EPB41L1: variants seen among roughly 807,000 people sequenced by gnomAD.
EPB41L1 encodes band 4.1-like protein 1.
EPB41L1 carries 29 observed loss-of-function variants against 97.8 expected under a neutral mutation model. The observed-to-expected ratio is 0.30, with a 90% confidence interval of 0.22 to 0.40. The LOEUF (loss-of-function observed/expected upper bound fraction) is 0.40. Among genes scored for constraint, EPB41L1 ranks in the 10% least tolerant of loss-of-function variants. EPB41L1 has a pLI of 1.00. For missense variants in EPB41L1, 812 were observed against 1,162.3 expected (o/e 0.70, Z 4.38); for synonymous variants, 383 against 459.2 (o/e 0.83, Z 2.12).
chr20:36,102,255 A>G (rs1469200092), intron 1 of EPB41L1, among the ~76,000 whole-genome samples: 3 of 152,124 alleles, frequency 2.0e-5, no homozygotes, highest in Non-Finnish European at 4.4e-5. Flanking sequence ...AACTTCTGAA[A>G]TATGGCATGC....
At position 36,228,951 on chromosome 20, in the gene EPB41L1, C is replaced by T. The variant is rs369360896; in HGVS notation, c.2638-381C>T. ...TTGTCAGGCCAAAGTAAAAGATTAC[C>T]ACCTCCCTGGAAACAAGCGAGCAAA... is the stretch of plus-strand genomic sequence containing the variant. On this transcript the variant is annotated intron_variant, in intron 21 of 21. Transcript: ENST00000338074. Among the ~76,000 whole-genome samples, 28 of 152,050 alleles carry T rather than the reference C, an allele frequency of 1.8e-4. 2 individuals are homozygous for T. The South Asian group carries it at 5.6e-3, about 31-fold the overall frequency.
Position 36,195,356 on chromosome 20 carries a change from A to C in EPB41L1, c.1477A>C (p.Lys493Gln). The change falls in exon 13 of 22, where the codon AAG becomes CAG. Residue 493 changes from lysine to glutamine, a missense_variant. Physicochemically the swap from Lys to Gln is moderately conservative, Grantham distance 53. Transcript: ENST00000338074. The surrounding 1 kb of genome is among the most constrained non-coding windows in gnomAD (Gnocchi z 4.6). ...KPEQETTPRH[K>Q]QEFLDKPEDV... ...GGAGCAGGAAACCACGCCGAGACAC[A>C]AGCAGGAGGTACTGCATGGGACCTG... The C allele has an allele frequency of 1.2e-6, 2 of 1,613,880 alleles. No individual in the cohort carries two copies. The highest frequency in any genetic ancestry group is 1.3e-5 in the African/African-American group (1 of 74,906).
intron 14 of EPB41L1, chr20:36,201,083 C>T (rs1248988465): frequency 2.4e-6 from 1 of 408,904 alleles, no homozygotes; most frequent in Non-Finnish European, 5.0e-6. Context: ...GTACCAGATT[C>T]TGCCAAGCAG....
intron 1 of EPB41L1, among the ~76,000 whole-genome samples, chr20:36,164,218 G>A (rs1276825135): frequency 6.6e-6 from 1 of 152,208 alleles, no homozygotes; most frequent in Admixed American, 6.5e-5. Flanking sequence ...AGTCCAATGG[G>A]CCAGCCTCCT....
intron 1 of EPB41L1, among the ~76,000 whole-genome samples, chr20:36,160,979 C>T (rs536849067): frequency 6.6e-6 from 1 of 152,326 alleles, no homozygotes; most frequent in Non-Finnish European, 1.5e-5. Context: ...TGAACTCTAA[C>T]AGTATTTAGA....
At chr20:36,159,765 G>C (rs1348691874) in intron 1 of EPB41L1, among the ~76,000 whole-genome samples, 2 of 152,174 alleles carry the variant, frequency 1.3e-5, no homozygotes, top group Non-Finnish European at 2.9e-5. Context: ...TCTTCGAGGG[G>C]AATAGGACAG....
intron 1 of EPB41L1, among the ~76,000 whole-genome samples, chr20:36,155,423 G>A (rs775305104): frequency 1.2e-4 from 19 of 152,110 alleles, no homozygotes; most frequent in Non-Finnish European, 2.2e-4. Context: ...GACTTCTGCA[G>A]TTCTGGCCTG....
intron 1 of EPB41L1, among the ~76,000 whole-genome samples, chr20:36,110,360 C>G (rs1052808857): frequency 3.3e-5 from 5 of 152,158 alleles, no homozygotes; most frequent in Admixed American, 3.3e-4. Context: ...GGTGGCCAAG[C>G]TGGAGCTGAT....
rs543805202 is a variant in EPB41L1 at position 36,190,207 on chromosome 20, A to T, written c.1027-70A>T. On this transcript the variant is annotated intron_variant, in intron 9 of 21. Coordinates refer to ENST00000338074, the MANE Select transcript of EPB41L1 (RefSeq NM_012156.2). This position sits in a 1 kb window ranked among gnomAD's most constrained non-coding sequence, Gnocchi z 5.8. ...AAACATTAAACAAATAAAATAAAAAACACAAAGAATGGGCTAGTGGCGAGA... is the reference window on the plus strand; with the variant it reads ...AAACATTAAACAAATAAAATAAAAATCACAAAGAATGGGCTAGTGGCGAGA... The T allele has an allele frequency of 5.6e-4, 705 of 1,253,200 alleles. 6 individuals carry two copies. The East Asian group carries it at 0.015, about 27-fold the overall frequency. The allele number at this position is 1,253,200 out of a possible 1,614,324, so 77.6% of individuals were successfully genotyped here. A position where few individuals can be genotyped will look rare whatever the true frequency, so the allele number is the denominator to read the frequency against.
At chr20:36,130,425 T>A (rs1265479490) in intron 2 of EPB41L1, among the ~76,000 whole-genome samples, 4 of 152,196 alleles carry the variant, frequency 2.6e-5, no homozygotes, top group Non-Finnish European at 5.9e-5. Flanking sequence ...AGTACTGTCC[T>A]GCATTTTTCT....
At chr20:36,213,688 TA>T (rs1346308921) in intron 16 of EPB41L1, among the ~76,000 whole-genome samples, 1 of 151,928 alleles carries the variant, frequency 6.6e-6, no homozygotes, top group African/African-American at 2.4e-5. Flanking sequence ...CTTATTGACA[TA>T]AAAACAAAAC....
At chr20:36,175,777 G>A (rs1377801036) in intron 3 of EPB41L1, 62 bp downstream of exon 3, 2 of 1,595,278 alleles carry the variant, frequency 1.3e-6, no homozygotes, top group African/African-American at 2.7e-5. Context: ...GTCCAGGGCA[G>A]GCTCCTGTGT....
At chr20:36,164,547 A>G (rs2060659772) in intron 1 of EPB41L1, among the ~76,000 whole-genome samples, 1 of 152,182 alleles carries the variant, frequency 6.6e-6, no homozygotes, top group South Asian at 2.1e-4. Flanking sequence ...TGCATGATAC[A>G]TGTGGCTGTG....
At position 36,154,827 on chromosome 20, in the gene EPB41L1, C is replaced by A; in HGVS notation, c.-84C>A. On this transcript the variant is annotated 5_prime_UTR_variant, in exon 1 of 22. In the 5' UTR this introduces an upstream ATG that the reference lacks. Transcript: ENST00000338074. This position sits in a 1 kb window ranked among gnomAD's most constrained non-coding sequence, Gnocchi z 5.5. Reference sequence around the variant, plus strand: ...ACCCCGCGCCGCCCCGCCCCGCGGCCTGCCTGCCAGAGGAGCCGAGGGGGC... The same window carrying A: ...ACCCCGCGCCGCCCCGCCCCGCGGCATGCCTGCCAGAGGAGCCGAGGGGGC... The A allele has an allele frequency of 1.0e-6, 1 of 994,014 alleles. No individual in the cohort carries two copies. Among genetic ancestry groups the A allele is most frequent in the South Asian group, 4.3e-5 (1 of 23,192 alleles). The allele number at this position is 994,014 out of a possible 1,614,324, so 61.6% of individuals were successfully genotyped here. A position where few individuals can be genotyped will look rare whatever the true frequency, so the allele number is the denominator to read the frequency against.
At chr20:36,143,090 TCTGGAGGTGCAGTC>T (rs2059700106) in intron 2 of EPB41L1, among the ~76,000 whole-genome samples, 1 of 151,868 alleles carries the variant, frequency 6.6e-6, no homozygotes, top group African/African-American at 2.4e-5. Context: ...CCGCCAGGTG[TCTGGAGGTGCAGTC>T]CTGTGGTTGT....
intron 5 of EPB41L1, among the ~76,000 whole-genome samples, chr20:36,181,294 T>G (rs1215830959): frequency 6.6e-6 from 1 of 152,184 alleles, no homozygotes; most frequent in African/African-American, 2.4e-5. Context: ...CTTTCGCTAA[T>G]TTTGTCCAGT....
Position 36,092,733 on chromosome 20 carries a change from G to A in EPB41L1, c.-65+1121G>A, listed in dbSNP as rs1049076834. The A allele has an allele frequency of 3.9e-5, 6 of 152,156 alleles. No homozygotes were observed. The highest frequency in any genetic ancestry group is 8.8e-5 in the Non-Finnish European group (6 of 67,948). The allele number at this position is 152,156 out of a possible 1,614,324, so 9.4% of individuals were successfully genotyped here. A position where few individuals can be genotyped will look rare whatever the true frequency, so the allele number is the denominator to read the frequency against. On this transcript the variant is annotated intron_variant, in intron 1 of 19. Coordinates refer to the EPB41L1 transcript ENST00000202028. This position sits in a 1 kb window ranked among gnomAD's most constrained non-coding sequence, Gnocchi z 7.0. ...GGGCATTTCTGCGCAGCTCTAGCGC[G>A]CCTCGGAGCCCGCCGGGGCAGCCGC...
intron 7 of EPB41L1, among the ~76,000 whole-genome samples, chr20:36,186,889 G>A (rs1362286848): frequency 1.3e-5 from 2 of 152,184 alleles, no homozygotes; most frequent in African/African-American, 4.8e-5. Flanking sequence ...CACAAGACCT[G>A]TAATGAAGTG....
Position 36,092,215 on chromosome 20 carries a change from G to A in EPB41L1, c.-65+603G>A, listed in dbSNP as rs2057680934. On this transcript the variant is annotated intron_variant, in intron 1 of 19. Transcript: ENST00000202028. The surrounding 1 kb of genome is among the most constrained non-coding windows in gnomAD (Gnocchi z 7.0). ...ACGAGGTCGGCGAGCTGGGCGCGGG[G>A]CCGCGGGGTTACCCCGGGGCACCGG... Among the ~76,000 whole-genome samples the A allele has an allele frequency of 6.6e-6, 1 of 152,220 alleles. No homozygotes were observed. The highest frequency in any genetic ancestry group is 2.4e-5 in the African/African-American group (1 of 41,466).
Sources: gnomAD v4.1 joint callset for allele counts (sites outside exome capture counted in the v4.1 genomes callset) on GRCh38, gnomAD v4.1.1 for gene constraint, Gnocchi (gnomAD v3.1) non-coding constraint, MANE v1.5 for transcripts, NCBI Gene and HGNC (gene_info 2026-07-23, HGNC 2026-07-21) for gene names.